DGKB: variants seen among roughly 807,000 people sequenced by gnomAD.
The protein encoded by DGKB is 90 kDa diacylglycerol kinase.
A neutral mutation model predicts 114.3 loss-of-function variants in DGKB; 67 were observed. The observed-to-expected ratio is 0.59, with a 90% CI of 0.48 to 0.72. The LOEUF is 0.72. Ranked by LOEUF, DGKB falls within the 30% of genes least tolerant of loss-of-function variation. The pLI is 0.00. For synonymous variants in DGKB, 398 were observed against 323.1 expected, an observed-to-expected ratio of 1.23 and a Z score of -2.49; for missense variants, 907 against 975.2, an observed-to-expected ratio of 0.93 and a Z score of 0.93.
At chr7:14,718,793 T>A (rs1178246015) in intron 5 of DGKB, 108 bp from the exon 6 acceptor site, 1 of 848,526 alleles carries the variant, frequency 1.2e-6, no homozygotes, top group African/African-American at 1.7e-5. Flanking sequence ...ATTTATATTT[T>A]TTAGGCATAG....
chr7:14,543,286 A>T (rs1243727070), intron 20 of DGKB, among the ~76,000 whole-genome samples: 1 of 151,958 alleles, frequency 6.6e-6, no homozygotes, highest in Non-Finnish European at 1.5e-5. Flanking sequence ...TCTACAAAAA[A>T]TAGAAAAATT....
chr7:14,723,515 C>T lies in DGKB; in HGVS notation c.323-4830G>A, dbSNP rs145947363. Reference sequence around the variant, plus strand: ...ATTCTTCTACTTGCCCTAGGCTATACTACTTTAAATATTTCATCACAAAAG... The same window carrying T: ...ATTCTTCTACTTGCCCTAGGCTATATTACTTTAAATATTTCATCACAAAAG... On this transcript the variant is annotated intron_variant, in intron 5 of 25. Coordinates refer to ENST00000402815, the MANE Select transcript of DGKB (RefSeq NM_001350709.2). 8.6e-5 allele frequency among the ~76,000 whole-genome samples: 13 copies of T among 151,952 alleles called. No individual in the cohort carries two copies. The East Asian group carries it at 2.5e-3, about 30-fold the overall frequency.
At chr7:14,936,245 C>T (rs1288651527) in intron 1 of DGKB, among the ~76,000 whole-genome samples, 1 of 152,036 alleles carries the variant, frequency 6.6e-6, no homozygotes, top group Non-Finnish European at 1.5e-5. Flanking sequence ...TAAAAATAGA[C>T]TAAATTGGAT....
intron 17 of DGKB, among the ~76,000 whole-genome samples, chr7:14,604,560 C>T (rs2128772375): frequency 6.6e-6 from 1 of 152,180 alleles, no homozygotes; most frequent in East Asian, 1.9e-4. Flanking sequence ...CTATTGTTAG[C>T]ATTGGAAAAG....
chr7:14,826,504 T>G (rs984596773), intron 2 of DGKB, among the ~76,000 whole-genome samples: 8 of 152,154 alleles, frequency 5.3e-5, no homozygotes, highest in African/African-American at 9.7e-5. Flanking sequence ...TTTGCATTCC[T>G]GTTGGAAAGC....
chr7:14,561,615 T>C (rs984840051), intron 20 of DGKB, among the ~76,000 whole-genome samples: 10 of 152,146 alleles, frequency 6.6e-5, no homozygotes, highest in Non-Finnish European at 1.5e-4. Context: ...CAGATGGAGA[T>C]GAGAAACTTG....
chr7:14,339,507 T>G (rs1395092019), intron 22 of DGKB, among the ~76,000 whole-genome samples: 3 of 152,100 alleles, frequency 2.0e-5, no homozygotes, highest in Non-Finnish European at 4.4e-5. Context: ...CTGGTGATTA[T>G]GAAAAATATA....
chr7:14,729,160 T>C (rs149756263), intron 5 of DGKB, among the ~76,000 whole-genome samples: 2,911 of 143,260 alleles, frequency 0.02, 59 homozygotes, highest in South Asian at 0.048. Context: ...TCTCACTCTG[T>C]TGCCCAGGCT....
chr7:14,196,776 C>G (rs1403902689), intron 23 of DGKB, among the ~76,000 whole-genome samples: 1 of 151,424 alleles, frequency 6.6e-6, no homozygotes, highest in Non-Finnish European at 1.5e-5. Context: ...CATGTACTGA[C>G]AAGTTTCCAA....
chr7:14,655,733 T>A (rs754186256), intron 13 of DGKB, among the ~76,000 whole-genome samples: 1 of 151,636 alleles, frequency 6.6e-6, no homozygotes, highest in Non-Finnish European at 1.5e-5. Flanking sequence ...TGTCATTTTT[T>A]GCAACATGGA....
rs11434742 is a variant in DGKB, at chr7:14,593,820, T to TAA, written c.1434-10685_1434-10684dup. Among the ~76,000 whole-genome samples, 362 of 147,214 alleles carry TAA rather than the reference T, an allele frequency of 2.5e-3. 1 individual carries two copies. The Middle Eastern group carries it at 0.025, about 10-fold the overall frequency. Reference sequence around the variant, plus strand: ...AAATTGAACTTTAAAATGGTCCAGTTAAAAAAAGAAAAAAACAACACAGGA... The same window carrying TAA: ...AAATTGAACTTTAAAATGGTCCAGTTAAAAAAAAAGAAAAAAACAACACAGGA... On this transcript the variant is annotated intron_variant, in intron 17 of 25. Transcript: ENST00000402815.
chr7:14,588,294 A>C (rs1801120330), intron 17 of DGKB, among the ~76,000 whole-genome samples: 1 of 151,972 alleles, frequency 6.6e-6, no homozygotes, highest in South Asian at 2.1e-4. Flanking sequence ...ATCTTCTACA[A>C]ATTTAAAGTT....
intron 1 of DGKB, among the ~76,000 whole-genome samples, chr7:14,887,415 T>C (rs1562817548): frequency 6.6e-6 from 1 of 151,790 alleles, no homozygotes; most frequent in African/African-American, 2.4e-5. Context: ...CTCTTCTCTA[T>C]TGCAAAAAAA....
At chr7:14,707,109 A>T (rs1826408097) in intron 6 of DGKB, among the ~76,000 whole-genome samples, 2 of 139,580 alleles carry the variant, frequency 1.4e-5, no homozygotes, top group Admixed American at 7.3e-5. Flanking sequence ...AATCAAATAG[A>T]CGCAATAAAA....
chr7:14,726,559 T>C (rs1169212973), intron 5 of DGKB, among the ~76,000 whole-genome samples: 1 of 152,198 alleles, frequency 6.6e-6, no homozygotes, highest in Non-Finnish European at 1.5e-5. Context: ...TCAAGACTCT[T>C]AAGGGTGGAT....
At chr7:14,644,608 C>T (rs771627448) in intron 13 of DGKB, among the ~76,000 whole-genome samples, 2 of 151,692 alleles carry the variant, frequency 1.3e-5, no homozygotes, top group Admixed American at 6.6e-5. Context: ...AAATAATTTC[C>T]GAGCTTAAAG....
intron 19 of DGKB, among the ~76,000 whole-genome samples, chr7:14,574,706 C>T (rs113437367): frequency 5.1e-4 from 78 of 152,200 alleles, no homozygotes; most frequent in Non-Finnish European, 9.4e-4. Flanking sequence ...CCATATCTTC[C>T]TCCTGGGCAG....
intron 21 of DGKB, among the ~76,000 whole-genome samples, chr7:14,421,952 C>T (rs996814279): frequency 1.3e-5 from 2 of 151,824 alleles, no homozygotes; most frequent in Non-Finnish European, 1.5e-5. Context: ...TATAACTGGG[C>T]CATAAAAATT....
At position 14,149,104 on chromosome 7, in the gene DGKB, A is replaced by C; in HGVS notation, c.*27T>G. On this transcript the variant is annotated 3_prime_UTR_variant, in exon 26 of 26. Coordinates refer to ENST00000402815, the MANE Select transcript of DGKB (RefSeq NM_001350709.2). ...TTCCATGGCCCAATTATGCTAATTC[A>C]ATTTCTAAGAGTGAAACAACACAGG... is the stretch of plus-strand genomic sequence containing the variant. 1 of 1,587,628 alleles carries C rather than the reference A, an allele frequency of 6.3e-7. No individual in the cohort carries two copies. The highest frequency in any genetic ancestry group is 2.2e-5 in the East Asian group (1 of 44,752).
Sources: gnomAD v4.1 joint callset for allele counts (sites outside exome capture counted in the v4.1 genomes callset) on GRCh38, gnomAD v4.1.1 for gene constraint, MANE v1.5 for transcripts, NCBI Gene and HGNC (gene_info 2026-07-23, HGNC 2026-07-21) for gene names.